REEP3: variants seen among roughly 807,000 people sequenced by gnomAD.
REEP3 encodes the protein receptor expression-enhancing protein 3.
In REEP3, 20 loss-of-function variants were observed where a neutral mutation model predicts 41.3. That is an observed-to-expected ratio of 0.48 (90% CI 0.34 to 0.70). The LOEUF (loss-of-function observed/expected upper bound fraction) is 0.70. Among genes scored for constraint, REEP3 ranks in the 30% least tolerant of loss-of-function variants. The probability of loss-of-function intolerance (pLI) is 0.01; values close to 1 mark genes in which losing one functional copy is unlikely to be tolerated. For synonymous variants in REEP3, 104 were observed against 101.8 expected (o/e 1.02, Z -0.13); for missense variants, 271 against 308.8 (o/e 0.88, Z 0.92).
chr10:63,551,995 TA>T (rs1955632817), intron 1 of REEP3, among the ~76,000 whole-genome samples: 1 of 152,216 alleles, frequency 6.6e-6, no homozygotes, highest in Non-Finnish European at 1.5e-5. Flanking sequence ...GTTCTAAAAT[TA>T]AAATTTTATT....
intron 1 of REEP3, among the ~76,000 whole-genome samples, chr10:63,545,686 T>TTTG: frequency 7.3e-6 from 1 of 137,472 alleles, no homozygotes; most frequent in East Asian, 2.1e-4. Flanking sequence ...TTCTGTTTTT[T>TTTG]TTTTTTTTTT....
intron 1 of REEP3, among the ~76,000 whole-genome samples, chr10:63,560,196 A>G (rs1035528791): frequency 6.6e-6 from 1 of 152,264 alleles, no homozygotes; most frequent in East Asian, 1.9e-4. Context: ...CTATTTCTAC[A>G]TATTTTTGTT....
intron 2 of REEP3, among the ~76,000 whole-genome samples, chr10:63,578,931 C>T (rs1955921903): frequency 6.6e-6 from 1 of 151,208 alleles, no homozygotes; most frequent in African/African-American, 2.4e-5. Context: ...TTTCATATGT[C>T]ATGTTTACTA....
intron 6 of REEP3, among the ~76,000 whole-genome samples, chr10:63,611,074 GA>G (rs928412246): frequency 7.4e-5 from 11 of 147,816 alleles, no homozygotes; most frequent in East Asian, 3.9e-4. Context: ...TTTATCTCAG[GA>G]AAAAAAAAAG....
chr10:63,551,523 G>A (rs1163777598), intron 1 of REEP3, among the ~76,000 whole-genome samples: 1 of 152,020 alleles, frequency 6.6e-6, no homozygotes, highest in Non-Finnish European at 1.5e-5. Context: ...GGGGAGGGGC[G>A]CCAGTAACTT....
chr10:63,537,205 G>T (rs182344904), intron 1 of REEP3, among the ~76,000 whole-genome samples: 3 of 152,118 alleles, frequency 2.0e-5, no homozygotes, highest in African/African-American at 4.8e-5. Flanking sequence ...TTGGATGACC[G>T]TTAGGAAAGT....
intron 1 of REEP3, among the ~76,000 whole-genome samples, chr10:63,551,281 T>C (rs1296378777): frequency 1.3e-5 from 2 of 152,148 alleles, no homozygotes; most frequent in African/African-American, 4.8e-5. Context: ...TCTGGAACAA[T>C]TTAAGCAGCA....
intron 2 of REEP3, among the ~76,000 whole-genome samples, chr10:63,571,418 A>G (rs1270862671): frequency 1.3e-5 from 2 of 152,098 alleles, no homozygotes; most frequent in Non-Finnish European, 2.9e-5. Flanking sequence ...TCCAGCTTCT[A>G]CAGGCTGCCC....
rs145630021 is a variant in REEP3, at chr10:63,538,456, G to A, written c.32+16879G>A. ...TTATATAAGACGAGGAAAACGGGCC[G>A]GGTGCGGTGGCTCACATGTATAATC... On this transcript the variant is annotated intron_variant, in intron 1 of 7. Transcript: ENST00000373758. Among the ~76,000 whole-genome samples, 31 of 152,240 alleles carry A rather than the reference G, an allele frequency of 2.0e-4. No individual in the cohort carries two copies. In the East Asian group the frequency reaches 4.1e-3, roughly 20 times the overall value.
intron 5 of REEP3, among the ~76,000 whole-genome samples, chr10:63,603,318 A>AC (rs1207128908): frequency 6.8e-6 from 1 of 147,480 alleles, no homozygotes. Context: ...GTCTCAAAAA[A>AC]AAAAAAAAAA....
At chr10:63,521,987 C>CAGGCTCCGCAGACGCCGAGCGCGGG (rs1304511786) in intron 1 of REEP3, 2 of 151,848 alleles carry the variant, frequency 1.3e-5, no homozygotes, top group African/African-American at 4.8e-5. Flanking sequence ...GCTCCCTGCG[C>CAGGCTCCGCAGACGCCGAGCGCGGG]AGGCTCCGCA....
At chr10:63,598,759 G>C (rs1956142729) in intron 4 of REEP3, among the ~76,000 whole-genome samples, 1 of 148,748 alleles carries the variant, frequency 6.7e-6, no homozygotes, top group African/African-American at 2.5e-5. Context: ...ACTCCAGCCT[G>C]GACAAGAGAG....
chr10:63,531,560 T>G (rs1397034880), intron 1 of REEP3, among the ~76,000 whole-genome samples: 1 of 152,236 alleles, frequency 6.6e-6, no homozygotes, highest in Non-Finnish European at 1.5e-5. Flanking sequence ...TGTGGCTATT[T>G]AAATGTAAAT....
At chr10:63,530,074 C>G (rs533794550) in intron 1 of REEP3, among the ~76,000 whole-genome samples, 4 of 152,166 alleles carry the variant, frequency 2.6e-5, no homozygotes, top group Non-Finnish European at 5.9e-5. Flanking sequence ...CCACTGCGCC[C>G]TGATGAATGT....
chr10:63,575,328 C>T (rs182166354), intron 2 of REEP3, among the ~76,000 whole-genome samples: 387 of 152,216 alleles, frequency 2.5e-3, no homozygotes, highest in Non-Finnish European at 4.2e-3. Context: ...TTTCTATTTT[C>T]CTGTTGTTTT....
chr10:63,623,244 T>C lies in REEP3; in HGVS notation c.*2375T>C, dbSNP rs951533142. The C allele has an allele frequency of 6.6e-6, 1 of 152,348 alleles. No homozygotes were observed. The highest frequency in any genetic ancestry group is 1.9e-4 in the East Asian group (1 of 5,188). The allele number at this position is 152,348 out of a possible 1,614,324, so 9.4% of individuals were successfully genotyped here. On this transcript the variant is annotated 3_prime_UTR_variant, in exon 8 of 8. Transcript: ENST00000373758. ...ATACACTGTTGATATCATTTTACTC[T>C]TCTTTCTCTTCTACATTTCTTAAAT...
rs185258658 is a variant in REEP3 at position 63,575,241 on chromosome 10, G to A, written c.105+8831G>A. On this transcript the variant is annotated intron_variant, in intron 2 of 7. Transcript: ENST00000373758. The stretch of plus-strand genomic sequence containing the variant: ...CAATTCTTCATTGTCTTTAACTTCT[G>A]GTGTTGCTGTTGAGAAGGCTGAAGC... 4.5e-3 allele frequency among the ~76,000 whole-genome samples: 678 copies of A among 152,208 alleles called. 5 individuals are homozygous for A. Among genetic ancestry groups the A allele is most frequent in the African/African-American group, 0.016 (655 of 41,526 alleles).
At chr10:63,566,821 G>A (rs939434004) in intron 2 of REEP3, among the ~76,000 whole-genome samples, 8 of 152,190 alleles carry the variant, frequency 5.3e-5, no homozygotes, top group African/African-American at 1.9e-4. Flanking sequence ...ATATAAATAT[G>A]CAGATACTCC....
chr10:63,620,716 AAG>A (rs1210367227), intron 7 of REEP3, 95 bp from the exon 8 acceptor site: 1 of 717,372 alleles, frequency 1.4e-6, no homozygotes, highest in Non-Finnish European at 2.2e-6. Context: ...TTATATCAAA[AAG>A]GTAAAAAAAT....
Sources: gnomAD v4.1 joint callset for allele counts (sites outside exome capture counted in the v4.1 genomes callset) on GRCh38, gnomAD v4.1.1 for gene constraint, MANE v1.5 for transcripts, NCBI Gene and HGNC (gene_info 2026-07-23, HGNC 2026-07-21) for gene names.